Variants in CSMD1 observed in about 807,000 individuals in gnomAD.
CSMD1 encodes the protein CUB and Sushi multiple domains 1.
In CSMD1, 213 loss-of-function variants were observed where a neutral mutation model predicts 417.5. The ratio of observed to expected loss-of-function variants is 0.51; its 90% CI spans 0.46 to 0.57. The LOEUF (loss-of-function observed/expected upper bound fraction) is 0.57, where lower values mean the gene tolerates loss of function less well. Among genes scored for constraint, CSMD1 ranks in the 20% least tolerant of loss-of-function variants. The probability of loss-of-function intolerance (pLI) is 0.00; values close to 1 mark genes in which losing one functional copy is unlikely to be tolerated. For synonymous variants in CSMD1, 2,862 were observed against 1,736.8 expected (o/e 1.65, Z -16.11); for missense variants, 6,923 against 4,529.7 (o/e 1.53, Z -15.17).
At chr8:3,658,855 T>C (rs1585031397) in intron 7 of CSMD1, among the ~76,000 whole-genome samples, 1 of 152,226 alleles carries the variant, frequency 6.6e-6, no homozygotes, top group Non-Finnish European at 1.5e-5. Flanking sequence ...GAAGGTTTTC[T>C]CCTAATTCCA....
At chr8:3,259,007 T>G (rs1800862180) in intron 26 of CSMD1, among the ~76,000 whole-genome samples, 1 of 152,128 alleles carries the variant, frequency 6.6e-6, no homozygotes, top group Non-Finnish European at 1.5e-5. Flanking sequence ...GCTTAATAGC[T>G]GGGTGATGAA....
chr8:3,861,795 T>G (rs1025520785), intron 5 of CSMD1, among the ~76,000 whole-genome samples: 3 of 152,218 alleles, frequency 2.0e-5, no homozygotes, highest in Non-Finnish European at 2.9e-5. Context: ...CCTGTCTGCT[T>G]ATCTTTCTAA....
intron 17 of CSMD1, among the ~76,000 whole-genome samples, chr8:3,392,216 C>A (rs914310614): frequency 6.6e-6 from 1 of 151,802 alleles, no homozygotes; most frequent in Non-Finnish European, 1.5e-5. Flanking sequence ...TGTAACTAAC[C>A]TGCACGTTGT....
intron 2 of CSMD1, among the ~76,000 whole-genome samples, chr8:4,485,171 T>C (rs1801312781): frequency 6.6e-6 from 1 of 152,242 alleles, no homozygotes; most frequent in East Asian, 1.9e-4. Flanking sequence ...TGTCTACTGA[T>C]TTGTATAAAG....
At chr8:3,296,042 C>T (rs1803940723) in intron 25 of CSMD1, among the ~76,000 whole-genome samples, 2 of 151,910 alleles carry the variant, frequency 1.3e-5, no homozygotes, top group Non-Finnish European at 2.9e-5. Flanking sequence ...AGGCAGTCCA[C>T]AGCACCCATA....
rs552338045 is a variant in CSMD1 at position 4,392,523 on chromosome 8, A to C, written c.415+27430T>G. On this transcript the variant is annotated intron_variant, in intron 3 of 69. Coordinates refer to ENST00000635120, the MANE Select transcript of CSMD1 (RefSeq NM_033225.6). ...GTAAAGAATCACGGTTTGTGTGTGG[A>C]GATGGGAGTGTCATTGGTCACTAGG... Among the ~76,000 whole-genome samples the C allele has an allele frequency of 3.3e-5, 5 of 152,292 alleles. No individual in the cohort carries two copies. The South Asian group carries it at 1.0e-3, about 32-fold the overall frequency.
chr8:3,781,835 C>G (rs754044035), intron 5 of CSMD1, among the ~76,000 whole-genome samples: 5 of 152,140 alleles, frequency 3.3e-5, no homozygotes, highest in Non-Finnish European at 7.3e-5. Flanking sequence ...GCTCTCTATA[C>G]TTCCTAGATT....
chr8:3,523,772 C>T (rs774121391), intron 10 of CSMD1, among the ~76,000 whole-genome samples: 6 of 151,936 alleles, frequency 3.9e-5, no homozygotes, highest in Non-Finnish European at 8.8e-5. Flanking sequence ...CATGCACACA[C>T]ATGCACACCC....
chr8:3,936,440 G>C (rs1480242650), intron 5 of CSMD1, among the ~76,000 whole-genome samples: 2 of 152,160 alleles, frequency 1.3e-5, no homozygotes, highest in Non-Finnish European at 2.9e-5. Flanking sequence ...TCTCTTCTTA[G>C]GGGCTAATGC....
intron 5 of CSMD1, among the ~76,000 whole-genome samples, chr8:3,981,109 C>G (rs1437583219): frequency 1.3e-5 from 2 of 152,182 alleles, no homozygotes; most frequent in East Asian, 3.8e-4. Context: ...ATAATGCATG[C>G]TGAAATGTCA....
chr8:4,970,364 A>G (rs73497706), intron 1 of CSMD1, among the ~76,000 whole-genome samples: 2,267 of 152,238 alleles, frequency 0.015, 49 homozygotes, highest in African/African-American at 0.052. Context: ...AGATTCAAAA[A>G]TGGTATCAGC....
At chr8:4,909,435 T>A (rs571579031) in intron 1 of CSMD1, among the ~76,000 whole-genome samples, 10 of 152,254 alleles carry the variant, frequency 6.6e-5, no homozygotes, top group Admixed American at 5.9e-4. Flanking sequence ...ACAGGAAGGC[T>A]AAAGGGGTCT....
At chr8:4,455,332 G>T (rs148915075) in intron 2 of CSMD1, among the ~76,000 whole-genome samples, 1 of 152,164 alleles carries the variant, frequency 6.6e-6, no homozygotes, top group African/African-American at 2.4e-5. Flanking sequence ...ACAAATCCAT[G>T]TAACAAGCAA....
intron 3 of CSMD1, among the ~76,000 whole-genome samples, chr8:4,341,384 G>T (rs377084302): frequency 1.3e-5 from 2 of 152,086 alleles, no homozygotes; most frequent in African/African-American, 4.8e-5. Flanking sequence ...AAATAATTTA[G>T]TACTGAAGAA....
intron 1 of CSMD1, among the ~76,000 whole-genome samples, chr8:4,905,565 A>C (rs572078189): frequency 5.3e-5 from 8 of 152,114 alleles, no homozygotes; most frequent in Admixed American, 1.3e-4. Flanking sequence ...CACATCTGTA[A>C]TCCCAGCACT....
intron 5 of CSMD1, among the ~76,000 whole-genome samples, chr8:3,824,803 CTGATGGAT>C (rs1410979805): frequency 4.6e-5 from 7 of 152,004 alleles, no homozygotes; most frequent in Admixed American, 4.6e-4. Context: ...AAGGTCTAAA[CTGATGGAT>C]GAGCAAATTG....
chr8:4,652,117 A>T (rs1442591059), intron 1 of CSMD1, among the ~76,000 whole-genome samples: 1 of 152,216 alleles, frequency 6.6e-6, no homozygotes, highest in Non-Finnish European at 1.5e-5. Context: ...ATTAATAATA[A>T]AGGAGATTAG....
chr8:4,208,823 T>G (rs1308670870), intron 3 of CSMD1, among the ~76,000 whole-genome samples: 1 of 152,200 alleles, frequency 6.6e-6, no homozygotes, highest in African/African-American at 2.4e-5. Flanking sequence ...TACAGTTGTT[T>G]AATATCTGGT....
At chr8:4,392,039 T>G (rs1471888866) in intron 3 of CSMD1, among the ~76,000 whole-genome samples, 1 of 152,174 alleles carries the variant, frequency 6.6e-6, no homozygotes, top group Admixed American at 6.5e-5. Flanking sequence ...TCCCAGGGTT[T>G]TGGGGGCAAT....
Sources: allele counts gnomAD v4.1 joint callset (sites outside exome capture counted in the v4.1 genomes callset), GRCh38; gene constraint gnomAD v4.1.1; transcripts MANE v1.5; gene names NCBI Gene and HGNC (gene_info 2026-07-23, HGNC 2026-07-21).